KIF21A: variants seen among roughly 807,000 people sequenced by gnomAD.
KIF21A encodes kinesin family member 21A, also known as kinesin-like protein KIF21A.
KIF21A carries 114 observed loss-of-function variants against 202.9 expected under a neutral mutation model. The ratio of observed to expected loss-of-function variants is 0.56; its 90% CI spans 0.48 to 0.66. The LOEUF is 0.66. Among genes scored for constraint, KIF21A ranks in the 30% least tolerant of loss-of-function variants. KIF21A has a pLI of 0.00. For synonymous variants in KIF21A, 667 were observed against 670.8 expected (o/e 0.99, Z 0.09); for missense variants, 1,677 against 1,994.9 (o/e 0.84, Z 3.04).
chr12:39,368,270 G>A (rs1436636574), intron 3 of KIF21A, among the ~76,000 whole-genome samples: 3 of 152,126 alleles, frequency 2.0e-5, no homozygotes, highest in African/African-American at 2.4e-5. Flanking sequence ...ATGGGTTGAG[G>A]ACTAGCTAAA....
At chr12:39,390,092 C>T (rs1254186422) in intron 1 of KIF21A, among the ~76,000 whole-genome samples, 1 of 152,160 alleles carries the variant, frequency 6.6e-6, no homozygotes, top group Non-Finnish European at 1.5e-5. Flanking sequence ...TATCTCTTCT[C>T]CCATACACCT....
intron 37 of KIF21A, among the ~76,000 whole-genome samples, chr12:39,300,152 A>AT (rs1182528483): frequency 6.6e-6 from 1 of 152,146 alleles, no homozygotes; most frequent in African/African-American, 2.4e-5. Context: ...CTGAGACCAT[A>AT]TCCTGGAAGG....
chr12:39,365,704 GA>G (rs1274505591), intron 6 of KIF21A, among the ~76,000 whole-genome samples: 1 of 152,240 alleles, frequency 6.6e-6, no homozygotes, highest in African/African-American at 2.4e-5. Flanking sequence ...CTTCACCCAT[GA>G]AATAACTTAA....
intron 14 of KIF21A, among the ~76,000 whole-genome samples, 153 bp from the exon 15 acceptor site, chr12:39,341,247 T>C (rs1947416795): frequency 6.6e-6 from 1 of 152,054 alleles, no homozygotes; most frequent in Non-Finnish European, 1.5e-5. Context: ...AACCAAAAGG[T>C]GAATGAGATA....
intron 1 of KIF21A, among the ~76,000 whole-genome samples, chr12:39,416,418 A>G (rs1427714694): frequency 6.6e-6 from 1 of 151,898 alleles, no homozygotes; most frequent in Admixed American, 6.6e-5. Context: ...CAACATGGCG[A>G]AACCCCGTCT....
At chr12:39,407,542 C>T (rs906963223) in intron 1 of KIF21A, among the ~76,000 whole-genome samples, 1 of 152,120 alleles carries the variant, frequency 6.6e-6, no homozygotes, top group Non-Finnish European at 1.5e-5. Context: ...CAAACCCTTA[C>T]TATGCTGCCA....
At chr12:39,298,420 T>C (rs1406955837) in intron 37 of KIF21A, among the ~76,000 whole-genome samples, 1 of 152,188 alleles carries the variant, frequency 6.6e-6, no homozygotes, top group African/African-American at 2.4e-5. Context: ...GAGCTATATA[T>C]TGAAAACCTC....
At chr12:39,335,645 C>T (rs537088180) in intron 17 of KIF21A, among the ~76,000 whole-genome samples, 24 of 152,136 alleles carry the variant, frequency 1.6e-4, no homozygotes, top group African/African-American at 5.5e-4. Context: ...ATGAATTGTA[C>T]ACTTTAAAAG....
At chr12:39,409,321 A>G (rs1592604605) in intron 1 of KIF21A, among the ~76,000 whole-genome samples, 1 of 151,452 alleles carries the variant, frequency 6.6e-6, no homozygotes, top group South Asian at 2.1e-4. Context: ...GGAGTTCAAG[A>G]CCAGCCTAGG....
At chr12:39,429,454 C>T (rs934363338) in intron 1 of KIF21A, among the ~76,000 whole-genome samples, 11 of 152,144 alleles carry the variant, frequency 7.2e-5, no homozygotes, top group African/African-American at 2.4e-4. Context: ...ATTATCATCC[C>T]TTTTCTTCAT....
intron 1 of KIF21A, among the ~76,000 whole-genome samples, chr12:39,372,033 A>T (rs1028934384): frequency 3.8e-5 from 5 of 131,668 alleles, no homozygotes; most frequent in African/African-American, 2.0e-4. Flanking sequence ...GTGAAATTTA[A>T]AAAAAAAAAA....
At chr12:39,423,458 G>C (rs1275908574) in intron 1 of KIF21A, among the ~76,000 whole-genome samples, 1 of 151,896 alleles carries the variant, frequency 6.6e-6, no homozygotes, top group Non-Finnish European at 1.5e-5. Flanking sequence ...AGTCCTATCA[G>C]CATTCTTGGC....
At chr12:39,313,410 T>C (rs1362168970) in intron 31 of KIF21A, among the ~76,000 whole-genome samples, 2 of 151,906 alleles carry the variant, frequency 1.3e-5, no homozygotes, top group African/African-American at 4.8e-5. Context: ...GTAGGGTTAA[T>C]GGATACCAAT....
chr12:39,425,027 A>G (rs1412543779), intron 1 of KIF21A, among the ~76,000 whole-genome samples: 1 of 152,022 alleles, frequency 6.6e-6, no homozygotes, highest in Non-Finnish European at 1.5e-5. Context: ...ATATCTGGCT[A>G]TACTGTCCTT....
intron 1 of KIF21A, among the ~76,000 whole-genome samples, chr12:39,373,210 A>G (rs1793823461): frequency 6.6e-6 from 1 of 152,176 alleles, no homozygotes; most frequent in Non-Finnish European, 1.5e-5. Context: ...TCTTTGCATT[A>G]AAGGATTTTC....
At chr12:39,408,888 T>C (rs1952836705) in intron 1 of KIF21A, among the ~76,000 whole-genome samples, 1 of 151,880 alleles carries the variant, frequency 6.6e-6, no homozygotes. Context: ...GGCATGATCA[T>C]GGCTCACTGC....
chr12:39,352,715 T>C (rs1948487858), intron 10 of KIF21A, among the ~76,000 whole-genome samples: 2 of 152,188 alleles, frequency 1.3e-5, no homozygotes, highest in Admixed American at 1.3e-4. Flanking sequence ...ATCTGGCTCC[T>C]GAATATAGCG....
At chr12:39,425,489 C>T (rs1954670810) in intron 1 of KIF21A, among the ~76,000 whole-genome samples, 1 of 151,978 alleles carries the variant, frequency 6.6e-6, no homozygotes, top group South Asian at 2.1e-4. Flanking sequence ...AGACAGAGGA[C>T]AAACAAGAAA....
At chr12:39,355,374 G>A (rs1389305335) in intron 10 of KIF21A, among the ~76,000 whole-genome samples, 3 of 152,096 alleles carry the variant, frequency 2.0e-5, no homozygotes, top group Non-Finnish European at 4.4e-5. Context: ...AATACAGAGT[G>A]GAGGAAAGGA....
Sources: gnomAD v4.1 joint callset for allele counts (sites outside exome capture counted in the v4.1 genomes callset) on GRCh38, gnomAD v4.1.1 for gene constraint, MANE v1.5 for transcripts, NCBI Gene and HGNC (gene_info 2026-07-23, HGNC 2026-07-21) for gene names.